The following EPB41L4A variants were observed in gnomAD, a reference collection of about 807,000 sequenced individuals.
EPB41L4A encodes the protein band 4.1-like protein 4A.
EPB41L4A carries 100 observed loss-of-function variants against 108.6 expected under a neutral mutation model. The ratio of observed to expected loss-of-function variants is 0.92; its 90% confidence interval spans 0.78 to 1.09. EPB41L4A has a LOEUF of 1.09. EPB41L4A is among the 50% of genes least tolerant of loss of function. EPB41L4A has a pLI of 0.00. For synonymous variants in EPB41L4A, 319 were observed against 289.0 expected (o/e 1.10, Z -1.05); for missense variants, 1,030 against 842.7 (o/e 1.22, Z -2.75).
At chr5:112,350,924 G>A (rs1356499667) in intron 1 of EPB41L4A, among the ~76,000 whole-genome samples, 4 of 152,102 alleles carry the variant, frequency 2.6e-5, no homozygotes, top group African/African-American at 7.2e-5. Context: ...CTAATTCAGC[G>A]CTGCAATAAA....
intron 11 of EPB41L4A, 145 bp from the exon 12 acceptor site, chr5:112,234,900 T>C: frequency 2.4e-6 from 2 of 845,144 alleles, no homozygotes; most frequent in African/African-American, 1.7e-5. Context: ...CATTGCAATA[T>C]TGATCAAGGG....
intron 1 of EPB41L4A, among the ~76,000 whole-genome samples, chr5:112,388,737 T>C: frequency 6.6e-6 from 1 of 152,152 alleles, no homozygotes; most frequent in Non-Finnish European, 1.5e-5. Context: ...CAGGGATAGC[T>C]CAGGGGCTCT....
At chr5:112,351,491 G>A (rs1334706433) in intron 1 of EPB41L4A, among the ~76,000 whole-genome samples, 2 of 152,052 alleles carry the variant, frequency 1.3e-5, no homozygotes, top group East Asian at 3.8e-4. Flanking sequence ...TTCCAACAAA[G>A]AAAAGCCCAG....
chr5:112,284,918 A>G (rs6890234), intron 2 of EPB41L4A, among the ~76,000 whole-genome samples: 1,805 of 152,248 alleles, frequency 0.012, 39 homozygotes, highest in African/African-American at 0.04. Flanking sequence ...AATTTCATCA[A>G]TTTCCTTGGT....
At chr5:112,169,451 C>G (rs1760448035) in intron 20 of EPB41L4A, among the ~76,000 whole-genome samples, 1 of 151,948 alleles carries the variant, frequency 6.6e-6, no homozygotes, top group Non-Finnish European at 1.5e-5. Context: ...AATGGCATTC[C>G]TAATGGAAAA....
chr5:112,221,722 GAAT>G (rs1180969356), intron 12 of EPB41L4A, among the ~76,000 whole-genome samples: 1 of 152,000 alleles, frequency 6.6e-6, no homozygotes, highest in Non-Finnish European at 1.5e-5. Flanking sequence ...AATTCTTGTT[GAAT>G]AAGAAGAAAA....
chr5:112,314,541 A>AAAAAAAAAAAAAAAAAAAAAAAAAAAC (rs1755298234), intron 1 of EPB41L4A, among the ~76,000 whole-genome samples: 1 of 145,794 alleles, frequency 6.9e-6, no homozygotes, highest in Admixed American at 6.8e-5. Context: ...AAAAAAAAGA[A>AAAAAAAAAAAAAAAAAAAAAAAAAAAC]AAGAAATTAG....
chr5:112,395,231 C>T (rs540134827), intron 1 of EPB41L4A, among the ~76,000 whole-genome samples: 21 of 152,222 alleles, frequency 1.4e-4, no homozygotes, highest in Admixed American at 1.2e-3. Context: ...CAACAAAAGC[C>T]AAAATTGACA....
At chr5:112,286,674 C>G (rs1024051092) in intron 2 of EPB41L4A, among the ~76,000 whole-genome samples, 9 of 152,180 alleles carry the variant, frequency 5.9e-5, no homozygotes, top group African/African-American at 2.2e-4. Context: ...TCATCCCTTT[C>G]TCATCTATTC....
intron 1 of EPB41L4A, among the ~76,000 whole-genome samples, chr5:112,329,219 T>C (rs1345665635): frequency 5.2e-5 from 8 of 152,392 alleles, no homozygotes; most frequent in African/African-American, 1.9e-4. Flanking sequence ...AATAATATTT[T>C]AGATATATTG....
At chr5:112,312,258 T>C (rs1387765437) in intron 1 of EPB41L4A, among the ~76,000 whole-genome samples, 1 of 152,226 alleles carries the variant, frequency 6.6e-6, no homozygotes, top group Non-Finnish European at 1.5e-5. Flanking sequence ...AATCATCAAA[T>C]TTGAAAATTT....
chr5:112,289,411 A>AT (rs561434343), intron 2 of EPB41L4A, among the ~76,000 whole-genome samples: 1,565 of 152,224 alleles, frequency 0.01, 17 homozygotes, highest in Middle Eastern at 0.017. Flanking sequence ...TCCAGGAAAA[A>AT]CTTTGAGAGG....
At chr5:112,384,296 T>C (rs1158095698) in intron 1 of EPB41L4A, among the ~76,000 whole-genome samples, 4 of 152,180 alleles carry the variant, frequency 2.6e-5, no homozygotes, top group South Asian at 2.1e-4. Flanking sequence ...ATAATATAGA[T>C]GACTATTCTG....
At chr5:112,418,590 C>A (rs980501328) in intron 1 of EPB41L4A, among the ~76,000 whole-genome samples, 3 of 152,192 alleles carry the variant, frequency 2.0e-5, no homozygotes, top group African/African-American at 7.2e-5. Context: ...GCCTTCCACA[C>A]TGGTGGGACG....
At chr5:112,183,712 C>A (rs1418419181) in intron 18 of EPB41L4A, among the ~76,000 whole-genome samples, 5 of 152,190 alleles carry the variant, frequency 3.3e-5, no homozygotes, top group Non-Finnish European at 5.9e-5. Flanking sequence ...TCACCAACAG[C>A]CTGGCTCTAC....
downstream of EPB41L4A, chr5:112,161,463 A>G (rs1410853502): frequency 1.9e-6 from 1 of 516,586 alleles, no homozygotes; most frequent in East Asian, 5.5e-5. Flanking sequence ...CTTATGCCAT[A>G]AAGCCTACCT....
chr5:112,352,374 C>G (rs1259173477), intron 1 of EPB41L4A, among the ~76,000 whole-genome samples: 4 of 152,214 alleles, frequency 2.6e-5, no homozygotes, highest in Non-Finnish European at 1.5e-5. Context: ...AATGGTCACT[C>G]AGGAGCATGT....
At position 112,239,537 on chromosome 5, in the gene EPB41L4A, A is replaced by G. The variant is rs567155702; in HGVS notation, c.965+123T>C. 2.6e-5 allele frequency: 14 copies of G among 531,226 alleles called. No individual in the cohort carries two copies. The African/African-American group carries it at 2.8e-4, about 11-fold the overall frequency. The allele number at this position is 531,226 out of a possible 1,614,324, so 32.9% of individuals were successfully genotyped here. A position where few individuals can be genotyped will look rare whatever the true frequency, so the allele number is the denominator to read the frequency against. On this transcript the variant is annotated intron_variant, in intron 11 of 22. Coordinates refer to ENST00000261486, the MANE Select transcript of EPB41L4A (RefSeq NM_022140.5). Reference sequence around the variant, plus strand: ...GTTTTAATAAACTGTTATGCTTACAAAACACATTGGCAATGCAAGAAAAAA... The same window carrying G: ...GTTTTAATAAACTGTTATGCTTACAGAACACATTGGCAATGCAAGAAAAAA...
intron 1 of EPB41L4A, among the ~76,000 whole-genome samples, chr5:112,397,766 T>C (rs1025964222): frequency 1.3e-5 from 2 of 152,210 alleles, no homozygotes; most frequent in Non-Finnish European, 2.9e-5. Flanking sequence ...AAAAGCCCTA[T>C]ATGATTATTA....
Sources: allele counts gnomAD v4.1 joint callset (sites outside exome capture counted in the v4.1 genomes callset), GRCh38; gene constraint gnomAD v4.1.1; transcripts MANE v1.5; gene names NCBI Gene and HGNC (gene_info 2026-07-23, HGNC 2026-07-21).